PRKAB1: variants seen among roughly 807,000 people sequenced by gnomAD.
PRKAB1 encodes protein kinase AMP-activated non-catalytic subunit beta 1, also known as 5'-AMP-activated protein kinase subunit beta-1.
Under a neutral mutation model 32.0 loss-of-function variants are expected in PRKAB1, and 18 were observed. The observed-to-expected ratio is 0.56, with a 90% CI of 0.39 to 0.83. The LOEUF is 0.83. Among genes scored for constraint, PRKAB1 ranks in the 40% least tolerant of loss-of-function variants. PRKAB1 has a pLI of 0.00. For synonymous variants in PRKAB1, 141 were observed against 141.4 expected (o/e 1.00, Z 0.02); for missense variants, 263 against 352.6 (o/e 0.75, Z 2.03).
rs1482034478 is a variant in PRKAB1 at position 119,679,130 on chromosome 12, TTTGAAA to T, written c.667-798_667-793del. Reference sequence around the variant, plus strand: ...ATATACATAATTTTATCTGTCAATCTTTGAAATTGATTAATTTTTTAAAAACCCCTC... The same window carrying T: ...ATATACATAATTTTATCTGTCAATCTTTGATTAATTTTTTAAAAACCCCTC... On this transcript the variant is annotated intron_variant, in intron 5 of 6. Transcript: ENST00000229328. The surrounding 1 kb of genome is among the most constrained non-coding windows in gnomAD (Gnocchi z 4.1). 3 of 152,250 alleles carry T rather than the reference TTTGAAA, an allele frequency of 2.0e-5. No individual in the cohort carries two copies. The highest frequency in any genetic ancestry group is 7.2e-5 in the African/African-American group (3 of 41,452). The allele number at this position is 152,250 out of a possible 1,614,324, so 9.4% of individuals were successfully genotyped here.
chr12:119,674,312 T>C lies in PRKAB1; in HGVS notation c.418-28T>C, dbSNP rs1955407595. ...ATAACTCCGCAGACCTTCCACGTTA[T>C]GATTTCTGCCTATCTGTCTCTTCCC... is the stretch of plus-strand genomic sequence containing the variant. On this transcript the variant is annotated intron_variant, in intron 3 of 6. Transcript: ENST00000229328. This position sits in a 1 kb window ranked among gnomAD's most constrained non-coding sequence, Gnocchi z 4.3. 3.9e-6 allele frequency: 6 copies of C among 1,538,774 alleles called. No homozygotes were observed. Among genetic ancestry groups the C allele is most frequent in the Middle Eastern group, 1.7e-4 (1 of 5,898 alleles).
chr12:119,671,389 C>G (rs1223159300), intron 1 of PRKAB1: 1 of 297,868 alleles, frequency 3.4e-6, no homozygotes, highest in Non-Finnish European at 6.9e-6. Context: ...TAGAAATACC[C>G]GAGACTGGGT....
Position 119,680,470 on chromosome 12 carries a change from G to A in PRKAB1, c.*145G>A. 1 of 848,312 alleles carries A rather than the reference G, an allele frequency of 1.2e-6. No individual in the cohort carries two copies. The highest frequency in any genetic ancestry group is 1.8e-6 in the Non-Finnish European group (1 of 540,610). 52.5% of individuals were successfully genotyped at this position (848,312 alleles called of 1,614,324 possible). On this transcript the variant is annotated 3_prime_UTR_variant, in exon 7 of 7. Coordinates refer to ENST00000229328, the MANE Select transcript of PRKAB1 (RefSeq NM_006253.5). ...CATACCTGCCCTGGTCCTGCTTGAA[G>A]GTTTGTCCAGGCAGAGCAGCTCCTG...
At chr12:119,671,704 T>C (rs1235683344) in intron 1 of PRKAB1, 1 of 215,450 alleles carries the variant, frequency 4.6e-6, no homozygotes, top group East Asian at 1.3e-4. Flanking sequence ...CCAAACCGTA[T>C]CACCTAGTCT....
intron 1 of PRKAB1, among the ~76,000 whole-genome samples, chr12:119,670,502 C>A (rs1021902061): frequency 1.3e-5 from 2 of 152,204 alleles, no homozygotes; most frequent in Non-Finnish European, 1.5e-5. Flanking sequence ...GCAAAGTGAA[C>A]TTTAGAATCA....
intron 5 of PRKAB1, 91 bp downstream of exon 5, chr12:119,676,761 G>A (rs755726784): frequency 3.0e-5 from 44 of 1,484,874 alleles, no homozygotes; most frequent in Non-Finnish European, 3.8e-5. Context: ...AGCAGCTGGT[G>A]AGCAAGCTCA....
At chr12:119,672,942 A>G (rs372503569) in intron 2 of PRKAB1, among the ~76,000 whole-genome samples, 8 of 152,222 alleles carry the variant, frequency 5.3e-5, no homozygotes, top group Non-Finnish European at 1.2e-4. Context: ...TGAAAAGTAC[A>G]TGTTGGCTGG....
chr12:119,672,573 A>G, intron 2 of PRKAB1, 109 bp downstream of exon 2: 1 of 1,238,908 alleles, frequency 8.1e-7, no homozygotes, highest in Non-Finnish European at 1.1e-6. Flanking sequence ...ATGGATGCCT[A>G]GTGGAAAAAT....
At chr12:119,675,644 T>TA (rs1415069898) in intron 4 of PRKAB1, among the ~76,000 whole-genome samples, 1 of 152,222 alleles carries the variant, frequency 6.6e-6, no homozygotes, top group Non-Finnish European at 1.5e-5. Context: ...TTTCGACACT[T>TA]ACTTCCTCAA....
At chr12:119,672,116 A>G (rs1461408360) in intron 1 of PRKAB1, 185 bp from the exon 2 acceptor site, 4 of 530,322 alleles carry the variant, frequency 7.5e-6, no homozygotes, top group Non-Finnish European at 1.3e-5. Context: ...GGACTGTCTC[A>G]GTCTTCACAA....
intron 4 of PRKAB1, among the ~76,000 whole-genome samples, 173 bp from the exon 5 acceptor site, chr12:119,676,364 G>T (rs112142058): frequency 0.013 from 1,955 of 152,204 alleles, 36 homozygotes; most frequent in African/African-American, 0.044. Flanking sequence ...ATTCCAAAAG[G>T]GTTTTCTCCT....
rs772081693 is a variant in PRKAB1, at chr12:119,674,483, GC to G, written c.532+30del. Reference sequence around the variant, plus strand: ...TGAACACAGTTATTTTATACCACATGCGTGCAGGTGGGGGCTGTACAGTCTA... The same window carrying G: ...TGAACACAGTTATTTTATACCACATGGTGCAGGTGGGGGCTGTACAGTCTA... On this transcript the variant is annotated intron_variant, in intron 4 of 6. Transcript: ENST00000229328. This position sits in a 1 kb window ranked among gnomAD's most constrained non-coding sequence, Gnocchi z 4.3. 5 of 1,507,978 alleles carry G rather than the reference GC, an allele frequency of 3.3e-6. No individual in the cohort carries two copies. The African/African-American group carries it at 4.1e-5, about 12-fold the overall frequency. 93.4% of individuals were successfully genotyped at this position (1,507,978 alleles called of 1,614,324 possible).
chr12:119,670,907 G>A (rs571043106), intron 1 of PRKAB1, among the ~76,000 whole-genome samples: 2 of 152,350 alleles, frequency 1.3e-5, no homozygotes, highest in South Asian at 2.1e-4. Flanking sequence ...TATTTGAGAT[G>A]AAGGTGCTAG....
At chr12:119,668,520 A>G (rs1955358248) in intron 1 of PRKAB1, 117 bp downstream of exon 1, 5 of 1,376,316 alleles carry the variant, frequency 3.6e-6, no homozygotes, top group South Asian at 1.4e-5. Context: ...GAGGTGGTAC[A>G]TTACCCGGTG....
At chr12:119,671,252 A>G (rs1235834050) in intron 1 of PRKAB1, among the ~76,000 whole-genome samples, 1 of 152,172 alleles carries the variant, frequency 6.6e-6, no homozygotes, top group Non-Finnish European at 1.5e-5. Context: ...TTAAATTTTC[A>G]TGTACAGTCA....
At chr12:119,675,638 G>A (rs278147) in intron 4 of PRKAB1, among the ~76,000 whole-genome samples, 2 of 152,094 alleles carry the variant, frequency 1.3e-5, no homozygotes, top group South Asian at 4.1e-4. Context: ...CTTCTGTTTC[G>A]ACACTTACTT....
intron 1 of PRKAB1, chr12:119,669,817 C>T (rs1955373061): frequency 6.6e-6 from 1 of 152,152 alleles, no homozygotes; most frequent in Admixed American, 6.5e-5. Flanking sequence ...TCAAGTGATC[C>T]GCCCGCCTGG....
At position 119,680,028 on chromosome 12, in the gene PRKAB1, G is replaced by C. The variant is rs1308323563; in HGVS notation, c.735+27G>C. ...TAATGACATGTCTGTCCCCATGAGA[G>C]CTGTGTTGCCCAGTGTGTGCTCTGA... is the stretch of plus-strand genomic sequence containing the variant. On this transcript the variant is annotated intron_variant, in intron 6 of 6. Coordinates refer to ENST00000229328, the MANE Select transcript of PRKAB1 (RefSeq NM_006253.5). The C allele has an allele frequency of 7.5e-6, 12 of 1,602,486 alleles. No individual in the cohort carries two copies. In the Admixed American group the frequency reaches 1.8e-4, roughly 24 times the overall value.
Position 119,674,209 on chromosome 12 carries a change from G to A in PRKAB1, c.418-131G>A. On this transcript the variant is annotated intron_variant, in intron 3 of 6. Coordinates refer to ENST00000229328, the MANE Select transcript of PRKAB1 (RefSeq NM_006253.5). This position sits in a 1 kb window ranked among gnomAD's most constrained non-coding sequence, Gnocchi z 4.3. ...AGCAGCACTACCTGTCAGACAGTTG[G>A]CATACTTGACCAAGATGAGCAGGGT... 3 of 1,010,962 alleles carry A rather than the reference G, an allele frequency of 3.0e-6. No homozygotes were observed. The East Asian group carries it at 7.6e-5, about 25-fold the overall frequency. 62.6% of individuals were successfully genotyped at this position (1,010,962 alleles called of 1,614,324 possible).
Sources: allele counts gnomAD v4.1 joint callset (sites outside exome capture counted in the v4.1 genomes callset), GRCh38; gene constraint gnomAD v4.1.1; non-coding constraint Gnocchi (gnomAD v3.1); transcripts MANE v1.5; gene names NCBI Gene and HGNC (gene_info 2026-07-23, HGNC 2026-07-21).